ALG9: variants seen among roughly 807,000 people sequenced by gnomAD.
ALG9 encodes ALG9 alpha-1,2-mannosyltransferase, also known as alpha-1,2-mannosyltransferase ALG9.
ALG9 carries 55 observed loss-of-function variants against 81.8 expected under a neutral mutation model. The ratio of observed to expected loss-of-function variants is 0.67; its 90% confidence interval spans 0.54 to 0.84. ALG9 has a LOEUF of 0.84. Ranked by LOEUF, ALG9 falls within the 40% of genes least tolerant of loss-of-function variation. The pLI is 0.00. For missense variants in ALG9, 629 were observed against 745.0 expected, an observed-to-expected ratio of 0.84 and a Z score of 1.81; for synonymous variants, 278 against 274.3, an observed-to-expected ratio of 1.01 and a Z score of -0.13.
chr11:111,864,503 C>T (rs1279131565), intron 4 of ALG9: 1 of 688,076 alleles, frequency 1.5e-6, no homozygotes, highest in Admixed American at 2.1e-5. Flanking sequence ...TCTTATGATC[C>T]AGTGGATATT....
At chr11:111,837,425 T>C (rs1955493932) in intron 12 of ALG9, 43 bp downstream of exon 12, 4 of 1,610,246 alleles carry the variant, frequency 2.5e-6, no homozygotes, top group South Asian at 1.1e-5. Context: ...ACTGCTCTAT[T>C]TACTCCTTCA....
Position 111,783,363 on chromosome 11 carries a change from CAGG to C in ALG9, c.*3031_*3033del, listed in dbSNP as rs1236748786. The C allele has an allele frequency of 6.6e-6, 1 of 152,280 alleles. No individual in the cohort carries two copies. Among genetic ancestry groups the C allele is most frequent in the Non-Finnish European group, 1.5e-5 (1 of 68,286 alleles). 9.4% of individuals were successfully genotyped at this position (152,280 alleles called of 1,614,324 possible). On this transcript the variant is annotated 3_prime_UTR_variant, in exon 15 of 15. Transcript: ENST00000616540. ...ATCCCAGCTACTCAGGAGGCTGAAG[CAGG>C]AGAATTGCTTGAACCCGGGAGACAG...
rs1415819948 is a variant in ALG9, at chr11:111,838,281, A to G, written c.1292T>C (p.Leu431Ser). The G allele has an allele frequency of 2.5e-6, 4 of 1,614,068 alleles. No homozygotes were observed. In the African/African-American group the frequency reaches 5.3e-5, roughly 22 times the overall value. ...ALGTVFLFGLLSFSRSVALFR... is the reference protein window; with the variant it reads ...ALGTVFLFGLSSFSRSVALFR... ...CAGTGCCACAGAGCGAGAAAATGACAAGAGCCCAAACAGGAAGACAGTTCC... is the reference window on the plus strand; with the variant it reads ...CAGTGCCACAGAGCGAGAAAATGACGAGAGCCCAAACAGGAAGACAGTTCC... The change falls in exon 11 of 15, where the codon TTG (leucine) becomes TCG (serine). Residue 431 changes from leucine (L) to serine (S), a missense_variant. By Grantham distance (145) the Leu-to-Ser change is moderately radical. Around this residue, in one of 3 missense-constraint regions of ALG9, gnomAD observed 264 missense variants for 302.2 expected, o/e 0.87. Coordinates refer to ENST00000616540, the MANE Select transcript of ALG9 (RefSeq NM_024740.2).
chr11:111,797,118 C>T (rs1189223685), intron 14 of ALG9, among the ~76,000 whole-genome samples: 3 of 152,206 alleles, frequency 2.0e-5, no homozygotes, highest in African/African-American at 7.2e-5. Flanking sequence ...GGCTTTAAAG[C>T]ATGTCCATAC....
chr11:111,791,879 G>A (rs1947474657), intron 14 of ALG9, among the ~76,000 whole-genome samples: 1 of 152,216 alleles, frequency 6.6e-6, no homozygotes, highest in South Asian at 2.1e-4. Context: ...ATCACTTGAG[G>A]TCAGGAGTTC....
intron 13 of ALG9, among the ~76,000 whole-genome samples, chr11:111,825,319 C>G (rs1555107346): frequency 6.6e-6 from 1 of 152,196 alleles, no homozygotes; most frequent in Non-Finnish European, 1.5e-5. Flanking sequence ...TAATGACAAA[C>G]ATGAACCCTT....
At position 111,786,366 on chromosome 11, in the gene ALG9, A is replaced by ATGGT; in HGVS notation, c.*27_*30dup. 6.2e-7 allele frequency: 1 copy of ATGGT among 1,613,386 alleles called. No individual in the cohort carries two copies. The highest frequency in any genetic ancestry group is 8.5e-7 in the Non-Finnish European group (1 of 1,179,576). ...GTCACTGGAATCAATAGTTAACAAG[A>ATGGT]TGGTTGTCCTTTGGGGCCACAGGTG... On this transcript the variant is annotated 3_prime_UTR_variant, in exon 15 of 15. Transcript: ENST00000616540.
At chr11:111,798,783 T>C (rs1034554407) in intron 14 of ALG9, among the ~76,000 whole-genome samples, 6 of 152,106 alleles carry the variant, frequency 3.9e-5, no homozygotes, top group Non-Finnish European at 7.4e-5. Flanking sequence ...CTGGTACTAG[T>C]TGTGTGAGCA....
At chr11:111,842,369 T>C (rs1227684478) in intron 9 of ALG9, among the ~76,000 whole-genome samples, 14 of 152,178 alleles carry the variant, frequency 9.2e-5, no homozygotes, top group African/African-American at 3.1e-4. Context: ...CTAGATATGA[T>C]GAAATCAAGA....
chr11:111,871,008 G>T, intron 1 of ALG9: 1 of 1,045,360 alleles, frequency 9.6e-7, no homozygotes, highest in South Asian at 4.3e-5. Flanking sequence ...GTCGGGACTT[G>T]AGGGAGAATA....
At chr11:111,806,284 C>T (rs1420909715) in intron 14 of ALG9, among the ~76,000 whole-genome samples, 4 of 152,140 alleles carry the variant, frequency 2.6e-5, no homozygotes, top group African/African-American at 9.7e-5. Context: ...AAGACTTGTC[C>T]ATATTTGCTA....
At position 111,783,408 on chromosome 11, in the gene ALG9, A is replaced by G; in HGVS notation, c.*2989T>C. On this transcript the variant is annotated 3_prime_UTR_variant, in exon 15 of 15. Transcript: ENST00000616540. ...GGGAGACAGAGGTTGCAGTGAGCTGAGGTCGTGCCATTGTGTTCCAACCTG... is the reference window on the plus strand; with the variant it reads ...GGGAGACAGAGGTTGCAGTGAGCTGGGGTCGTGCCATTGTGTTCCAACCTG... 1 of 152,498 alleles carries G rather than the reference A, an allele frequency of 6.6e-6. No homozygotes were observed. The highest frequency in any genetic ancestry group is 1.5e-5 in the Non-Finnish European group (1 of 68,274). The allele number at this position is 152,498 out of a possible 1,614,324, so 9.4% of individuals were successfully genotyped here.
At chr11:111,774,108 G>A in the ALG9 span, among the ~76,000 whole-genome samples, 4,250 of 148,274 alleles carry the variant, frequency 0.029, 191 homozygotes, top group African/African-American at 0.098. Context: ...CACGGAGGCC[G>A]GGCGCCATGG....
intron 4 of ALG9, 98 bp from the exon 5 acceptor site, chr11:111,860,733 T>G: frequency 2.2e-6 from 2 of 908,870 alleles, no homozygotes; most frequent in Non-Finnish European, 3.4e-6. Context: ...ACTGAAGATC[T>G]AAAGTCAAAC....
chr11:111,814,277 T>G (rs1951157433), intron 13 of ALG9, among the ~76,000 whole-genome samples: 1 of 152,142 alleles, frequency 6.6e-6, no homozygotes, highest in East Asian at 1.9e-4. Context: ...GCAGTGTGAT[T>G]CAGGCAAAAT....
chr11:111,789,211 C>A (rs773473555), intron 14 of ALG9, among the ~76,000 whole-genome samples: 40 of 152,004 alleles, frequency 2.6e-4, no homozygotes, highest in Non-Finnish European at 2.5e-4. Flanking sequence ...TAATTTTATT[C>A]TTTTTAGAGT....
rs545436456 is a variant in ALG9 at position 111,815,276 on chromosome 11, G to A, written c.1603-5503C>T. On this transcript the variant is annotated intron_variant, in intron 13 of 14. Transcript: ENST00000616540. ...AAAAATTGGCTCAGTGTGGTGGCTC[G>A]CACTTGTAGTCCTAGCTACTTGGGA... is the stretch of plus-strand genomic sequence containing the variant. 3.3e-5 allele frequency among the ~76,000 whole-genome samples: 5 copies of A among 152,018 alleles called. No homozygotes were observed. In the East Asian group the frequency reaches 5.8e-4, roughly 18 times the overall value.
chr11:111,866,736 T>C (rs1386601146), intron 3 of ALG9, among the ~76,000 whole-genome samples: 2 of 151,534 alleles, frequency 1.3e-5, no homozygotes, highest in Non-Finnish European at 2.9e-5. Flanking sequence ...GCATAGCACA[T>C]TGTTAGTTTT....
intron 6 of ALG9, among the ~76,000 whole-genome samples, chr11:111,854,031 T>C (rs1404819745): frequency 2.0e-5 from 3 of 151,636 alleles, no homozygotes; most frequent in African/African-American, 7.3e-5. Context: ...CCCTGCCAAA[T>C]AAATAAGTAC....
Sources: gnomAD v4.1 joint callset for allele counts (sites outside exome capture counted in the v4.1 genomes callset) on GRCh38, gnomAD v4.1.1 for gene constraint, gnomAD v4.1.1 regional missense constraint, MANE v1.5 for transcripts, NCBI Gene and HGNC (gene_info 2026-07-23, HGNC 2026-07-21) for gene names.